CEP128: variants seen among roughly 807,000 people sequenced by gnomAD.
CEP128 encodes the protein centrosomal protein 128, also known as centrosomal protein 128kDa.
CEP128 carries 132 observed loss-of-function variants against 156.7 expected under a neutral mutation model. That is an observed-to-expected ratio of 0.84 (90% confidence interval 0.73 to 0.97). The LOEUF (loss-of-function observed/expected upper bound fraction) is 0.97, where lower values mean the gene tolerates loss of function less well. Among genes scored for constraint, CEP128 ranks in the 50% least tolerant of loss-of-function variants. The pLI is 0.00. For missense variants in CEP128, 1,252 were observed against 1,281.9 expected (o/e 0.98, Z 0.36); for synonymous variants, 469 against 448.9 (o/e 1.04, Z -0.57).
At chr14:80,941,494 C>T (rs1397941723) in intron 1 of CEP128, 87 bp downstream of exon 1, 1 of 152,644 alleles carries the variant, frequency 6.6e-6, no homozygotes, top group African/African-American at 2.4e-5. Context: ...GTCCCCACCC[C>T]TGGGACGAGG....
At chr14:80,523,229 G>A (rs1888822687) in intron 23 of CEP128, among the ~76,000 whole-genome samples, 1 of 152,216 alleles carries the variant, frequency 6.6e-6, no homozygotes, top group Admixed American at 6.5e-5. Context: ...TCTGTCAACA[G>A]TAATATAGTC....
chr14:80,742,921 G>A (rs780491810), intron 19 of CEP128, 154 bp downstream of exon 19: 3 of 655,778 alleles, frequency 4.6e-6, no homozygotes, highest in Non-Finnish European at 7.7e-6. Flanking sequence ...TCTCGTCCCA[G>A]AAATGAAGAA....
chr14:80,862,633 A>G (rs1260382039), intron 9 of CEP128, 124 bp downstream of exon 9: 1 of 696,870 alleles, frequency 1.4e-6, no homozygotes, highest in Non-Finnish European at 2.5e-6. Flanking sequence ...ACTATAACCA[A>G]TATGTGATAT....
chr14:80,770,111 C>T (rs1312711411), intron 16 of CEP128, among the ~76,000 whole-genome samples: 2 of 152,126 alleles, frequency 1.3e-5, no homozygotes, highest in Non-Finnish European at 2.9e-5. Flanking sequence ...TCCTCTAGAC[C>T]CTTGTAGTTA....
chr14:80,875,557 G>C (rs1367259785), intron 8 of CEP128, among the ~76,000 whole-genome samples: 1 of 152,154 alleles, frequency 6.6e-6, no homozygotes, highest in Non-Finnish European at 1.5e-5. Context: ...ATGAGACACA[G>C]ATAAACAGAT....
chr14:80,512,210 C>G (rs966675254), intron 23 of CEP128, among the ~76,000 whole-genome samples: 1 of 152,022 alleles, frequency 6.6e-6, no homozygotes, highest in African/African-American at 2.4e-5. Flanking sequence ...ATCTTTCTCT[C>G]TCTTTAGCTC....
At chr14:80,724,182 G>A (rs1047007906) in intron 19 of CEP128, among the ~76,000 whole-genome samples, 1 of 152,138 alleles carries the variant, frequency 6.6e-6, no homozygotes, top group African/African-American at 2.4e-5. Flanking sequence ...AAAGAGGGTT[G>A]CTATTTACTA....
intron 2 of CEP128, among the ~76,000 whole-genome samples, chr14:80,917,468 A>G (rs1358421415): frequency 2.0e-5 from 3 of 152,214 alleles, no homozygotes; most frequent in Non-Finnish European, 4.4e-5. Context: ...GAATCTTCCT[A>G]AAATCTATAT....
intron 19 of CEP128, among the ~76,000 whole-genome samples, chr14:80,699,507 C>A (rs1227887875): frequency 1.3e-5 from 2 of 152,160 alleles, no homozygotes; most frequent in African/African-American, 4.8e-5. Context: ...TATTTCAACT[C>A]TTTTCTCTAA....
chr14:80,608,382 A>G (rs1314193234), intron 19 of CEP128, among the ~76,000 whole-genome samples: 3 of 152,198 alleles, frequency 2.0e-5, no homozygotes, highest in Non-Finnish European at 2.9e-5. Context: ...AATGACTCAA[A>G]TTCTATTCTT....
intron 16 of CEP128, among the ~76,000 whole-genome samples, chr14:80,774,146 T>C (rs1274897806): frequency 6.6e-6 from 1 of 152,158 alleles, no homozygotes; most frequent in African/African-American, 2.4e-5. Flanking sequence ...AGGGCAGTGT[T>C]CTCCCACTGA....
chr14:80,541,441 G>GT (rs201171369), intron 21 of CEP128, among the ~76,000 whole-genome samples: 15 of 64,628 alleles, frequency 2.3e-4, no homozygotes, highest in African/African-American at 5.3e-4. Context: ...TAATGACTGT[G>GT]TTAAAAAAAA....
At chr14:80,726,178 A>G (rs1219193942) in intron 19 of CEP128, among the ~76,000 whole-genome samples, 1 of 152,212 alleles carries the variant, frequency 6.6e-6, no homozygotes, top group Non-Finnish European at 1.5e-5. Context: ...GATTTAGCCA[A>G]GGCTTCAGGA....
intron 17 of CEP128, among the ~76,000 whole-genome samples, chr14:80,758,185 T>C (rs1899764141): frequency 6.6e-6 from 1 of 152,242 alleles, no homozygotes; most frequent in Non-Finnish European, 1.5e-5. Context: ...TCACATTTTA[T>C]TATTTGCTTT....
At chr14:80,953,368 G>A (rs1027403511) in intron 2 of CEP128, among the ~76,000 whole-genome samples, 6 of 152,134 alleles carry the variant, frequency 3.9e-5, no homozygotes, top group African/African-American at 9.7e-5. Context: ...GGCGGATCAC[G>A]AGATCAGGAG....
At chr14:80,662,621 T>G (rs939761143) in intron 19 of CEP128, among the ~76,000 whole-genome samples, 1 of 152,184 alleles carries the variant, frequency 6.6e-6, no homozygotes, top group Non-Finnish European at 1.5e-5. Flanking sequence ...GAGTTGTCTA[T>G]GTAACTATAT....
At chr14:80,609,563 C>T (rs181932671) in intron 19 of CEP128, among the ~76,000 whole-genome samples, 6 of 152,258 alleles carry the variant, frequency 3.9e-5, no homozygotes, top group Admixed American at 3.3e-4. Flanking sequence ...GCCAAGAACA[C>T]ATTTTAGCCA....
intron 23 of CEP128, among the ~76,000 whole-genome samples, chr14:80,520,608 T>A (rs945768684): frequency 6.6e-6 from 1 of 152,186 alleles, no homozygotes; most frequent in Non-Finnish European, 1.5e-5. Flanking sequence ...AAGATTTTAC[T>A]CAATTTTTTT....
intron 15 of CEP128, 140 bp from the exon 16 acceptor site, chr14:80,778,186 A>G: frequency 2.9e-6 from 2 of 695,692 alleles, no homozygotes; most frequent in Non-Finnish European, 4.8e-6. Flanking sequence ...ATTAAAATAA[A>G]CACAAAGGAA....
Sources: gnomAD v4.1 joint callset for allele counts (sites outside exome capture counted in the v4.1 genomes callset) on GRCh38, gnomAD v4.1.1 for gene constraint, MANE v1.5 for transcripts, NCBI Gene and HGNC (gene_info 2026-07-23, HGNC 2026-07-21) for gene names.